PPARGC1A: variants seen among roughly 807,000 people sequenced by gnomAD.
The protein encoded by PPARGC1A is PPARG coactivator 1 alpha, also known as peroxisome proliferator-activated receptor gamma coactivator 1-alpha.
In PPARGC1A, 25 loss-of-function variants were observed where a neutral mutation model predicts 88.7. That is an observed-to-expected ratio of 0.28 (90% confidence interval 0.21 to 0.39). PPARGC1A has a LOEUF of 0.39. PPARGC1A is among the 10% of genes least tolerant of loss of function. PPARGC1A has a pLI of 1.00. For missense variants in PPARGC1A, 880 were observed against 968.7 expected (o/e 0.91, Z 1.22); for synonymous variants, 363 against 355.6 (o/e 1.02, Z -0.24).
chr4:24,285,160 A>C, the PPARGC1A span, among the ~76,000 whole-genome samples: 1 of 152,222 alleles, frequency 6.6e-6, no homozygotes, highest in Non-Finnish European at 1.5e-5. Flanking sequence ...TGGACACAAG[A>C]AGGAGATGCT....
chr4:24,062,085 A>G, the PPARGC1A span, among the ~76,000 whole-genome samples: 1 of 152,178 alleles, frequency 6.6e-6, no homozygotes, highest in Non-Finnish European at 1.5e-5. Flanking sequence ...CTAACAATAA[A>G]CCAAGTCTTT....
the PPARGC1A span, among the ~76,000 whole-genome samples, chr4:24,002,068 TCACACACACACA>T: frequency 7.3e-5 from 9 of 123,044 alleles, no homozygotes; most frequent in African/African-American, 1.5e-4. Flanking sequence ...GATGATAAAT[TCACACACACACA>T]CACACACACA....
chr4:24,223,922 T>C, the PPARGC1A span, among the ~76,000 whole-genome samples: 2 of 152,216 alleles, frequency 1.3e-5, no homozygotes, highest in African/African-American at 2.4e-5. Context: ...CAGTTTTCCC[T>C]TTTTTAAGAA....
At chr4:24,011,329 G>C in the PPARGC1A span, among the ~76,000 whole-genome samples, 1 of 152,026 alleles carries the variant, frequency 6.6e-6, no homozygotes, top group Admixed American at 6.6e-5. Context: ...GAGGAAACAA[G>C]ACAGCCCCAA....
At chr4:24,209,326 A>G in the PPARGC1A span, among the ~76,000 whole-genome samples, 1 of 152,184 alleles carries the variant, frequency 6.6e-6, no homozygotes, top group Non-Finnish European at 1.5e-5. Flanking sequence ...GAGGAGGAGA[A>G]CATTCCTACT....
At chr4:24,186,218 A>C in the PPARGC1A span, among the ~76,000 whole-genome samples, 1 of 152,252 alleles carries the variant, frequency 6.6e-6, no homozygotes, top group African/African-American at 2.4e-5. Context: ...GAGAGAGATA[A>C]GAAACACACA....
At chr4:24,209,538 G>C in the PPARGC1A span, among the ~76,000 whole-genome samples, 1 of 152,138 alleles carries the variant, frequency 6.6e-6, no homozygotes, top group Non-Finnish European at 1.5e-5. Flanking sequence ...AGAATTATCT[G>C]GTCCAAAATG....
intron 2 of PPARGC1A, among the ~76,000 whole-genome samples, chr4:23,858,149 G>T (rs1253782318): frequency 6.6e-6 from 1 of 151,980 alleles, no homozygotes; most frequent in Non-Finnish European, 1.5e-5. Context: ...TTACTTCCAG[G>T]AGTTTGTAGA....
chr4:24,338,218 G>A, the PPARGC1A span, among the ~76,000 whole-genome samples: 4 of 152,018 alleles, frequency 2.6e-5, no homozygotes, highest in Non-Finnish European at 4.4e-5. Context: ...AAAATCCTGC[G>A]AGCCACTGAA....
At chr4:24,194,669 C>CACACACA in the PPARGC1A span, among the ~76,000 whole-genome samples, 1,353 of 40,182 alleles carry the variant, frequency 0.034, 22 homozygotes, top group African/African-American at 0.045. Context: ...CACACACACA[C>CACACACA]CCCCATCAAG....
the PPARGC1A span, among the ~76,000 whole-genome samples, chr4:24,001,109 T>C: frequency 6.6e-6 from 1 of 152,218 alleles, no homozygotes; most frequent in African/African-American, 2.4e-5. Flanking sequence ...AACATTTTCA[T>C]GTTTGAACAA....
the PPARGC1A span, among the ~76,000 whole-genome samples, chr4:23,993,974 A>G: frequency 6.6e-6 from 1 of 152,296 alleles, no homozygotes; most frequent in South Asian, 2.1e-4. Flanking sequence ...AATATTAAAA[A>G]GGTTGTCATT....
At chr4:24,113,952 C>T in the PPARGC1A span, among the ~76,000 whole-genome samples, 3 of 151,822 alleles carry the variant, frequency 2.0e-5, no homozygotes, top group Non-Finnish European at 4.4e-5. Context: ...GGCAAAACGC[C>T]GTCTCTACTA....
At chr4:24,297,480 G>A in the PPARGC1A span, among the ~76,000 whole-genome samples, 2 of 152,000 alleles carry the variant, frequency 1.3e-5, no homozygotes, top group African/African-American at 2.4e-5. Context: ...AGCCATCATG[G>A]GGACATATAA....
the PPARGC1A span, among the ~76,000 whole-genome samples, chr4:24,421,988 T>C: frequency 6.6e-6 from 1 of 152,236 alleles, no homozygotes; most frequent in Non-Finnish European, 1.5e-5. Context: ...GTAAACAATA[T>C]TGCAGATGCT....
chr4:24,024,920 T>C, the PPARGC1A span, among the ~76,000 whole-genome samples: 1 of 152,216 alleles, frequency 6.6e-6, no homozygotes, highest in Non-Finnish European at 1.5e-5. Flanking sequence ...GCAAAACAGC[T>C]CTGACCCTGG....
the PPARGC1A span, among the ~76,000 whole-genome samples, chr4:24,450,915 T>C: frequency 2.0e-5 from 3 of 152,226 alleles, no homozygotes; most frequent in Admixed American, 2.0e-4. Context: ...GCCTCTTCTG[T>C]TATGAAAGAC....
At chr4:24,139,246 G>C in the PPARGC1A span, among the ~76,000 whole-genome samples, 1 of 151,364 alleles carries the variant, frequency 6.6e-6, no homozygotes, top group Non-Finnish European at 1.5e-5. Context: ...CCATTCTTCT[G>C]CCTCAGCCTC....
chr4:23,857,564 C>A (rs537200170), intron 2 of PPARGC1A, among the ~76,000 whole-genome samples: 1 of 151,764 alleles, frequency 6.6e-6, no homozygotes, highest in Non-Finnish European at 1.5e-5. Context: ...GAACCCCATT[C>A]TTTTACTTAA....
Sources: allele counts gnomAD v4.1 joint callset (sites outside exome capture counted in the v4.1 genomes callset), GRCh38; gene constraint gnomAD v4.1.1; transcripts MANE v1.5; gene names NCBI Gene and HGNC (gene_info 2026-07-23, HGNC 2026-07-21).